Variants in SDHB observed in about 807,000 individuals in gnomAD.
SDHB encodes the protein succinate dehydrogenase complex iron sulfur subunit B, also known as succinate dehydrogenase [ubiquinone] iron-sulfur subunit, mitochondrial.
Under a neutral mutation model 39.7 loss-of-function variants are expected in SDHB, and 21 were observed. The ratio of observed to expected loss-of-function variants is 0.53; its 90% CI spans 0.37 to 0.76. SDHB has a LOEUF of 0.76. Among genes scored for constraint, SDHB ranks in the 30% least tolerant of loss-of-function variants. SDHB has a pLI of 0.00. For synonymous variants in SDHB, 118 were observed against 117.0 expected, an observed-to-expected ratio of 1.01 and a Z score of -0.06; for missense variants, 343 against 350.9, an observed-to-expected ratio of 0.98 and a Z score of 0.18.
intron 4 of SDHB, 22 bp downstream of exon 4, chr1:17,028,578 C>T: frequency 6.2e-7 from 1 of 1,613,804 alleles, no homozygotes; most frequent in East Asian, 2.2e-5. Context: ...AAAAACAAAA[C>T]CAGAGAGATG....
chr1:17,019,982 G>A (rs1373127098), intron 7 of SDHB, among the ~76,000 whole-genome samples: 1 of 152,198 alleles, frequency 6.6e-6, no homozygotes, highest in Non-Finnish European at 1.5e-5. Flanking sequence ...ATACCAACAT[G>A]GGATAATCTC....
chr1:17,038,393 T>C (rs1285453164), intron 2 of SDHB, among the ~76,000 whole-genome samples: 3 of 152,210 alleles, frequency 2.0e-5, no homozygotes, highest in East Asian at 1.9e-4. Flanking sequence ...CACACACAAA[T>C]AGTATTTTGC....
chr1:17,021,699 C>T (rs959421546), intron 7 of SDHB, among the ~76,000 whole-genome samples: 2 of 150,514 alleles, frequency 1.3e-5, no homozygotes, highest in Admixed American at 6.6e-5. Flanking sequence ...GAGCTGAGAT[C>T]GATCGTGCCA....
chr1:17,022,677 G>A lies in SDHB; in HGVS notation c.696C>T (p.Ala232=), dbSNP rs779143585. 7 of 1,613,968 alleles carry A rather than the reference G, an allele frequency of 4.3e-6. No individual in the cohort carries two copies. Among genetic ancestry groups the A allele is most frequent in the Non-Finnish European group, 5.9e-6 (7 of 1,179,916 alleles). The change falls in exon 7 of 8, where the codon GCC becomes GCT. Residue 232 remains alanine, a synonymous_variant. Transcript: ENST00000375499. The part of the protein sequence containing the change: ...SRDDFTEERL[A]KLQDPFSLYR... ...ATAGAGAGAATGGGTCCTGCAGCTTGGCCAGGCGCTCCTCTGTGAAGTCAT... is the reference window on the plus strand; with the variant it reads ...ATAGAGAGAATGGGTCCTGCAGCTTAGCCAGGCGCTCCTCTGTGAAGTCAT...
rs143058777 is a variant in SDHB at position 17,044,848 on chromosome 1, C to G, written c.113G>C (p.Arg38Pro). ...GAQTAAATAP[R>P]IKKFAIYRWD... is the part of the protein sequence containing the mutation. ...TCGATAGATGGCAAATTTCTTGATA[C>G]GGGGAGCTGTGGCTGCAGCTGTCTG... Residue 38 changes from arginine (R) to proline (P), a missense_variant, in exon 2 of 8, where the codon CGT (arginine) becomes CCT (proline). Arg to Pro is a moderately radical substitution (Grantham distance 103, BLOSUM62 -2). Transcript: ENST00000375499. 10 of 1,613,764 alleles carry G rather than the reference C, an allele frequency of 6.2e-6. No homozygotes were observed. Among genetic ancestry groups the G allele is most frequent in the Non-Finnish European group, 8.5e-6 (10 of 1,179,970 alleles).
chr1:17,032,694 C>T (rs1258308821), intron 3 of SDHB: 1 of 338,726 alleles, frequency 3.0e-6, no homozygotes, highest in East Asian at 7.3e-5. Context: ...ATCTCCCCTG[C>T]TGGACAAGCA....
At chr1:17,039,768 C>T (rs1262106010) in intron 2 of SDHB, among the ~76,000 whole-genome samples, 8 of 152,160 alleles carry the variant, frequency 5.3e-5, no homozygotes, top group Non-Finnish European at 1.0e-4. Context: ...CTGTTCCCAG[C>T]CCCTACGCTA....
At chr1:17,045,794 C>T (rs535433339) in intron 1 of SDHB, among the ~76,000 whole-genome samples, 4 of 152,222 alleles carry the variant, frequency 2.6e-5, no homozygotes, top group Non-Finnish European at 4.4e-5. Context: ...GCCTCTGATT[C>T]GTCTCGGGCC....
At chr1:17,044,585 C>CA (rs927267589) in intron 2 of SDHB, among the ~76,000 whole-genome samples, 176 bp downstream of exon 2, 1 of 152,202 alleles carries the variant, frequency 6.6e-6, no homozygotes, top group Admixed American at 6.5e-5. Context: ...CTGAGCCTCC[C>CA]AAAGTGCTGG....
At chr1:17,034,784 A>G (rs778547041) in intron 2 of SDHB, among the ~76,000 whole-genome samples, 2 of 152,178 alleles carry the variant, frequency 1.3e-5, no homozygotes, top group African/African-American at 2.4e-5. Flanking sequence ...CTGATACTGG[A>G]GAAGTGTTAT....
chr1:17,026,739 A>T (rs1338241361), intron 5 of SDHB, among the ~76,000 whole-genome samples: 1 of 152,178 alleles, frequency 6.6e-6, no homozygotes, highest in East Asian at 1.9e-4. Flanking sequence ...AGGTAGAATT[A>T]ATTTATTCAT....
In SDHB at chr1:17,029,021, G is replaced by A. The variant is rs185016125; in HGVS notation, c.287-285C>T. 2.0e-4 allele frequency among the ~76,000 whole-genome samples: 31 copies of A among 151,712 alleles called. No homozygotes were observed. The East Asian group carries it at 5.4e-3, about 27-fold the overall frequency. On this transcript the variant is annotated intron_variant, in intron 3 of 7. Coordinates refer to ENST00000375499, the MANE Select transcript of SDHB (RefSeq NM_003000.3). Reference sequence around the variant, plus strand: ...ACTGGAGGAGGCCAGAGGCCTGGGCGCTGCTGGCACCATGGAGTTTCCACA... The same window carrying A: ...ACTGGAGGAGGCCAGAGGCCTGGGCACTGCTGGCACCATGGAGTTTCCACA...
chr1:17,047,459 CT>C (rs2078118312), intron 1 of SDHB, among the ~76,000 whole-genome samples: 1 of 151,570 alleles, frequency 6.6e-6, no homozygotes, highest in African/African-American at 2.4e-5. Context: ...GGGAAATCAC[CT>C]GAGATCAGGG....
At chr1:17,021,463 G>A (rs532702556) in intron 7 of SDHB, among the ~76,000 whole-genome samples, 4 of 151,670 alleles carry the variant, frequency 2.6e-5, no homozygotes, top group Admixed American at 2.0e-4. Context: ...AGATGAGAGG[G>A]GCCGGTCGCG....
At chr1:17,053,794 C>G (rs2078161929) in intron 1 of SDHB, among the ~76,000 whole-genome samples, 154 bp downstream of exon 1, 1 of 151,660 alleles carries the variant, frequency 6.6e-6, no homozygotes, top group African/African-American at 2.4e-5. Context: ...CAGGGATGCT[C>G]GAAGCCAAAC....
intron 6 of SDHB, among the ~76,000 whole-genome samples, chr1:17,023,432 T>C (rs2077974313): frequency 1.3e-5 from 2 of 152,374 alleles, no homozygotes; most frequent in African/African-American, 2.4e-5. Flanking sequence ...AGTTGGTTTT[T>C]GAGTTGCCTA....
At chr1:17,040,631 G>GA (rs932327583) in intron 2 of SDHB, among the ~76,000 whole-genome samples, 1 of 151,924 alleles carries the variant, frequency 6.6e-6, no homozygotes, top group African/African-American at 2.4e-5. Context: ...ATTTTTCAAA[G>GA]AAAAAATTTT....
chr1:17,027,660 T>A, intron 5 of SDHB, 89 bp downstream of exon 5: 2 of 849,616 alleles, frequency 2.4e-6, no homozygotes, highest in Admixed American at 1.7e-5. Flanking sequence ...ATGGCTTGCA[T>A]CAGCTTATGT....
chr1:17,034,023 T>C (rs1164869959), intron 2 of SDHB, among the ~76,000 whole-genome samples: 1 of 152,210 alleles, frequency 6.6e-6, no homozygotes, highest in Non-Finnish European at 1.5e-5. Context: ...TGGCATACAG[T>C]AAGTGCTCCA....
Sources: allele counts gnomAD v4.1 joint callset (sites outside exome capture counted in the v4.1 genomes callset), GRCh38; gene constraint gnomAD v4.1.1; transcripts MANE v1.5; gene names NCBI Gene and HGNC (gene_info 2026-07-23, HGNC 2026-07-21).